CHST9: variants seen among roughly 807,000 people sequenced by gnomAD.
CHST9 encodes GalNAc-4-sulfotransferase 2.
A neutral mutation model predicts 44.4 loss-of-function variants in CHST9; 41 were observed. That is an observed-to-expected ratio of 0.92 (90% CI 0.72 to 1.20). The LOEUF is 1.20. Ranked by LOEUF, CHST9 falls within the 50% of genes most tolerant of loss-of-function variation. CHST9 has a pLI of 0.00. For synonymous variants in CHST9, 171 were observed against 178.4 expected (o/e 0.96, Z 0.33); for missense variants, 504 against 516.5 (o/e 0.98, Z 0.23).
Position 27,144,073 on chromosome 18 carries a change from G to C in CHST9, c.-96-1168C>G, listed in dbSNP as rs531135917. ...GGTGAGCTCACCTAGTTAGCAGCCC[G>C]GCTAATGGGGCCAAGGTCACGGCTT... On this transcript the variant is annotated intron_variant, in intron 1 of 5. Coordinates refer to ENST00000618847, the MANE Select transcript of CHST9 (RefSeq NM_031422.6). Among the ~76,000 whole-genome samples the C allele has an allele frequency of 7.9e-5, 12 of 152,294 alleles. No homozygotes were observed. The South Asian group carries it at 2.1e-3, about 26-fold the overall frequency.
intron 2 of CHST9, among the ~76,000 whole-genome samples, chr18:27,082,334 G>A (rs1465561275): frequency 2.6e-5 from 4 of 152,128 alleles, no homozygotes; most frequent in Non-Finnish European, 5.9e-5. Flanking sequence ...ATAATTCTCA[G>A]ATTTAGTATT....
chr18:27,051,798 T>A (rs963646281), intron 2 of CHST9, among the ~76,000 whole-genome samples: 3 of 152,226 alleles, frequency 2.0e-5, no homozygotes, highest in Non-Finnish European at 2.9e-5. Flanking sequence ...AATCCTGAGA[T>A]AAGTGTTAAA....
intron 3 of CHST9, among the ~76,000 whole-genome samples, chr18:27,039,202 G>C (rs2057419764): frequency 6.6e-6 from 1 of 152,146 alleles, no homozygotes; most frequent in Admixed American, 6.5e-5. Flanking sequence ...AGGGTCTGAA[G>C]AGATATATTT....
At chr18:27,023,979 G>T in intron 4 of CHST9, 137 bp downstream of exon 4, 1 of 801,390 alleles carries the variant, frequency 1.2e-6, no homozygotes, top group Non-Finnish European at 2.0e-6. Context: ...TGCCACCTAG[G>T]CAGTGCTTCC....
At chr18:26,932,045 C>T (rs2055887834) in intron 5 of CHST9, among the ~76,000 whole-genome samples, 1 of 152,038 alleles carries the variant, frequency 6.6e-6, no homozygotes, top group Non-Finnish European at 1.5e-5. Flanking sequence ...ACCGAGTTAC[C>T]TTGAGGTAGC....
chr18:27,115,908 C>G (rs73406617), intron 2 of CHST9, among the ~76,000 whole-genome samples: 1 of 152,304 alleles, frequency 6.6e-6, no homozygotes, highest in African/African-American at 2.4e-5. Flanking sequence ...TGCTGAACAC[C>G]TTTTATGTGC....
At chr18:27,175,882 A>C (rs2058864507) in intron 1 of CHST9, among the ~76,000 whole-genome samples, 2 of 152,128 alleles carry the variant, frequency 1.3e-5, no homozygotes, top group South Asian at 4.1e-4. Context: ...TTCTAAGCAC[A>C]ATGGATACAG....
chr18:27,132,785 G>A (rs1266951091), intron 2 of CHST9, among the ~76,000 whole-genome samples: 3 of 152,180 alleles, frequency 2.0e-5, no homozygotes, highest in Non-Finnish European at 2.9e-5. Context: ...TTAAGAAAGA[G>A]TAGGAATAGT....
At chr18:27,094,356 T>C (rs1346855651) in intron 2 of CHST9, among the ~76,000 whole-genome samples, 2 of 152,174 alleles carry the variant, frequency 1.3e-5, no homozygotes, top group Non-Finnish European at 2.9e-5. Flanking sequence ...GTTTTATATA[T>C]ACAAAATAGC....
At chr18:27,145,618 A>G (rs2058605884) in intron 1 of CHST9, among the ~76,000 whole-genome samples, 1 of 152,186 alleles carries the variant, frequency 6.6e-6, no homozygotes, top group South Asian at 2.1e-4. Context: ...ACTGTTTAAC[A>G]TTTCACTAGT....
At chr18:27,162,819 G>A (rs1478531065) in intron 1 of CHST9, among the ~76,000 whole-genome samples, 2 of 152,198 alleles carry the variant, frequency 1.3e-5, no homozygotes, top group Admixed American at 6.5e-5. Flanking sequence ...AGTCGTCAAA[G>A]TCATTCTCCA....
chr18:27,019,106 G>A (rs959583940), intron 4 of CHST9, among the ~76,000 whole-genome samples: 1 of 152,166 alleles, frequency 6.6e-6, no homozygotes, highest in Non-Finnish European at 1.5e-5. Flanking sequence ...TTGTGAATAC[G>A]ATGTACCTCC....
intron 1 of CHST9, among the ~76,000 whole-genome samples, chr18:27,171,878 T>C (rs76935856): frequency 0.018 from 2,783 of 152,298 alleles, 80 homozygotes; most frequent in African/African-American, 0.062. Context: ...TGCAATGTTT[T>C]AATACATGCA....
intron 3 of CHST9, 23 bp from the exon 4 acceptor site, chr18:27,024,180 T>C (rs756932344): frequency 1.3e-5 from 21 of 1,599,352 alleles, no homozygotes; most frequent in Non-Finnish European, 1.6e-5. Context: ...AGGAAAGAAA[T>C]TCATATATTA....
chr18:27,173,998 C>A (rs1251932852), intron 1 of CHST9, among the ~76,000 whole-genome samples: 1 of 151,892 alleles, frequency 6.6e-6, no homozygotes, highest in African/African-American at 2.4e-5. Flanking sequence ...TATGAGATTT[C>A]ACTTCTAAAT....
chr18:26,913,045 G>A lies in CHST9; in HGVS notation c.*3214C>T, dbSNP rs8097658. On this transcript the variant is annotated 3_prime_UTR_variant, in exon 6 of 6. Transcript: ENST00000618847. ...AATGCACAGGAGGGAGACGTTTACTGTAGTCCTAGCCTAATCCCAAGTTCT... is the reference window on the plus strand; with the variant it reads ...AATGCACAGGAGGGAGACGTTTACTATAGTCCTAGCCTAATCCCAAGTTCT... The A allele has an allele frequency of 0.21, 31,667 of 152,100 alleles. 3,606 individuals are homozygous for A. The highest frequency in any genetic ancestry group is 0.32 in the Middle Eastern group (95 of 294). The allele number at this position is 152,100 out of a possible 1,614,324, so 9.4% of individuals were successfully genotyped here. A position where few individuals can be genotyped will look rare whatever the true frequency, so the allele number is the denominator to read the frequency against.
At chr18:26,927,963 T>C (rs1377286624) in intron 5 of CHST9, among the ~76,000 whole-genome samples, 2 of 150,964 alleles carry the variant, frequency 1.3e-5, no homozygotes, top group Non-Finnish European at 2.9e-5. Flanking sequence ...TTTATTTCCC[T>C]GGGTACTTGA....
At chr18:26,925,883 C>A (rs2055757418) in intron 5 of CHST9, 1 of 152,062 alleles carries the variant, frequency 6.6e-6, no homozygotes, top group South Asian at 2.1e-4. Flanking sequence ...GTTTTTTATT[C>A]TGCTTTTTTC....
intron 2 of CHST9, among the ~76,000 whole-genome samples, chr18:27,085,352 A>G (rs1017873062): frequency 6.6e-6 from 1 of 152,182 alleles, no homozygotes; most frequent in African/African-American, 2.4e-5. Flanking sequence ...AATGGAAGAA[A>G]ATATTTGCAA....
Sources: allele counts gnomAD v4.1 joint callset (sites outside exome capture counted in the v4.1 genomes callset), GRCh38; gene constraint gnomAD v4.1.1; transcripts MANE v1.5; gene names NCBI Gene and HGNC (gene_info 2026-07-23, HGNC 2026-07-21).